Variants in PTPRD observed in about 807,000 individuals in gnomAD.
PTPRD encodes receptor-type tyrosine-protein phosphatase delta.
PTPRD carries 34 observed loss-of-function variants against 214.5 expected under a neutral mutation model. That is an observed-to-expected ratio of 0.16 (90% confidence interval 0.12 to 0.21). The LOEUF (loss-of-function observed/expected upper bound fraction) is 0.21, where lower values mean the gene tolerates loss of function less well. PTPRD is among the 10% of genes least tolerant of loss of function. The pLI is 1.00. For missense variants in PTPRD, 2,545 were observed against 2,398.7 expected, an observed-to-expected ratio of 1.06 and a Z score of -1.27; for synonymous variants, 1,128 against 845.7, an observed-to-expected ratio of 1.33 and a Z score of -5.79.
intron 5 of PTPRD, among the ~76,000 whole-genome samples, chr9:9,782,301 T>C (rs1050976376): frequency 6.6e-6 from 1 of 152,120 alleles, no homozygotes; most frequent in African/African-American, 2.4e-5. Flanking sequence ...CTAATTTAAA[T>C]TATAATTTAA....
At chr9:9,215,669 C>T (rs1370172027) in intron 9 of PTPRD, among the ~76,000 whole-genome samples, 2 of 152,068 alleles carry the variant, frequency 1.3e-5, no homozygotes, top group Admixed American at 1.3e-4. Flanking sequence ...GCTGTACAAC[C>T]CAGGAGGTTA....
At chr9:8,996,347 A>T (rs1254578536) in intron 11 of PTPRD, among the ~76,000 whole-genome samples, 1 of 152,114 alleles carries the variant, frequency 6.6e-6, no homozygotes, top group Non-Finnish European at 1.5e-5. Flanking sequence ...CAAATGCAAT[A>T]CACTAAATGA....
chr9:9,949,515 C>G (rs538965723), intron 4 of PTPRD, among the ~76,000 whole-genome samples: 8 of 152,024 alleles, frequency 5.3e-5, no homozygotes, highest in South Asian at 2.1e-4. Flanking sequence ...CAACAGCCCT[C>G]GTAGGGAGTT....
chr9:10,078,505 G>A (rs1329762240), intron 3 of PTPRD, among the ~76,000 whole-genome samples: 1 of 108,762 alleles, frequency 9.2e-6, no homozygotes, highest in Admixed American at 1.2e-4. Flanking sequence ...GACAGACCAA[G>A]ACTCCATCTA....
chr9:10,293,468 C>A (rs1329618967), intron 3 of PTPRD, among the ~76,000 whole-genome samples: 1 of 151,772 alleles, frequency 6.6e-6, no homozygotes, highest in Non-Finnish European at 1.5e-5. Context: ...CAGAAACAAA[C>A]AAACAAACAA....
intron 11 of PTPRD, among the ~76,000 whole-genome samples, chr9:8,852,732 G>A (rs2097844602): frequency 6.6e-6 from 1 of 152,162 alleles, no homozygotes; most frequent in Admixed American, 6.5e-5. Context: ...AAGGACAGCA[G>A]AGGTTAAAAA....
intron 9 of PTPRD, among the ~76,000 whole-genome samples, chr9:9,366,493 T>G (rs1262385449): frequency 1.3e-5 from 2 of 151,520 alleles, no homozygotes; most frequent in Non-Finnish European, 3.0e-5. Flanking sequence ...GTGAGATTAC[T>G]GAAATTCAGC....
chr9:9,680,010 G>A (rs1695183852), intron 7 of PTPRD, among the ~76,000 whole-genome samples: 1 of 151,758 alleles, frequency 6.6e-6, no homozygotes. Flanking sequence ...TTCCTGTAGA[G>A]AACAATATTT....
intron 12 of PTPRD, among the ~76,000 whole-genome samples, chr9:8,651,521 T>C (rs1361244945): frequency 6.6e-6 from 1 of 152,218 alleles, no homozygotes; most frequent in Non-Finnish European, 1.5e-5. Flanking sequence ...AAATGAGTTC[T>C]AGATGGAACA....
chr9:8,562,334 A>C (rs1415721), intron 14 of PTPRD, among the ~76,000 whole-genome samples: 81,866 of 151,994 alleles, frequency 0.54, 25,221 homozygotes, highest in African/African-American at 0.87. Flanking sequence ...TATTAATTAT[A>C]TTGTCACCTT....
chr9:10,147,136 G>C (rs1442918478), intron 3 of PTPRD, among the ~76,000 whole-genome samples: 2 of 152,148 alleles, frequency 1.3e-5, no homozygotes, highest in Admixed American at 6.6e-5. Flanking sequence ...ATTTTATATG[G>C]AGATGAACCC....
At chr9:8,842,932 TAA>T (rs1196694935) in intron 11 of PTPRD, among the ~76,000 whole-genome samples, 2 of 152,198 alleles carry the variant, frequency 1.3e-5, no homozygotes, top group Non-Finnish European at 2.9e-5. Context: ...CATGGAGCTT[TAA>T]GACAGATCTA....
chr9:8,913,178 G>A lies in PTPRD; in HGVS notation c.-104+105519C>T, dbSNP rs564588228. On this transcript the variant is annotated intron_variant, in intron 11 of 45. Coordinates refer to ENST00000381196, the MANE Select transcript of PTPRD (RefSeq NM_002839.4). Reference sequence around the variant, plus strand: ...ACTTGAACATTACCTGGCACATGTAGTAAACTTTACCTTGTGTGTGTTTGC... The same window carrying A: ...ACTTGAACATTACCTGGCACATGTAATAAACTTTACCTTGTGTGTGTTTGC... Among the ~76,000 whole-genome samples the A allele has an allele frequency of 8.9e-4, 135 of 152,054 alleles. 1 individual carries two copies. Among genetic ancestry groups the A allele is most frequent in the African/African-American group, 3.2e-3 (133 of 41,486 alleles).
At chr9:9,556,720 G>A (rs1306665301) in intron 8 of PTPRD, among the ~76,000 whole-genome samples, 2 of 152,084 alleles carry the variant, frequency 1.3e-5, no homozygotes, top group Non-Finnish European at 2.9e-5. Flanking sequence ...AAATTTAGAT[G>A]GTCAGATGAT....
chr9:10,509,403 T>G (rs957229378), intron 2 of PTPRD, among the ~76,000 whole-genome samples: 58 of 151,500 alleles, frequency 3.8e-4, no homozygotes, highest in African/African-American at 1.4e-3. Flanking sequence ...ATTTTACTCC[T>G]CTTGTTGTTT....
At chr9:9,204,149 G>C (rs1173494596) in intron 9 of PTPRD, among the ~76,000 whole-genome samples, 2 of 152,120 alleles carry the variant, frequency 1.3e-5, no homozygotes, top group Non-Finnish European at 2.9e-5. Context: ...TTCAAGAATA[G>C]GGACTTCTGA....
intron 10 of PTPRD, among the ~76,000 whole-genome samples, chr9:9,089,082 C>T (rs1432649695): frequency 1.3e-5 from 2 of 152,014 alleles, no homozygotes; most frequent in Non-Finnish European, 2.9e-5. Context: ...TTGTGACTTG[C>T]TAAAAAAGTC....
At chr9:8,988,723 A>G (rs1483566116) in intron 11 of PTPRD, among the ~76,000 whole-genome samples, 1 of 152,018 alleles carries the variant, frequency 6.6e-6, no homozygotes, top group Non-Finnish European at 1.5e-5. Context: ...GAAGAATTAA[A>G]TTTTGCTCCT....
chr9:9,356,865 T>C (rs2053993678), intron 9 of PTPRD, among the ~76,000 whole-genome samples: 1 of 151,408 alleles, frequency 6.6e-6, no homozygotes, highest in Non-Finnish European at 1.5e-5. Flanking sequence ...TTCTGCTTTG[T>C]ATAAGAGATA....
Sources: allele counts gnomAD v4.1 joint callset (sites outside exome capture counted in the v4.1 genomes callset), GRCh38; gene constraint gnomAD v4.1.1; transcripts MANE v1.5; gene names NCBI Gene and HGNC (gene_info 2026-07-23, HGNC 2026-07-21).